The following SLIT2 variants were observed in gnomAD, a reference collection of about 807,000 sequenced individuals.
SLIT2 encodes the protein slit guidance ligand 2.
SLIT2 carries 41 observed loss-of-function variants against 185.7 expected under a neutral mutation model. The observed-to-expected ratio is 0.22, with a 90% confidence interval of 0.17 to 0.29. The LOEUF is 0.29. Ranked by LOEUF, SLIT2 falls within the 10% of genes least tolerant of loss-of-function variation. SLIT2 has a pLI of 1.00. For synonymous variants in SLIT2, 693 were observed against 680.2 expected, an observed-to-expected ratio of 1.02 and a Z score of -0.29; for missense variants, 1,571 against 1,909.0, an observed-to-expected ratio of 0.82 and a Z score of 3.30.
intron 4 of SLIT2, among the ~76,000 whole-genome samples, chr4:20,283,498 G>GA (rs902639096): frequency 7.9e-5 from 12 of 151,450 alleles, no homozygotes; most frequent in East Asian, 1.9e-4. Context: ...TTAGACACAG[G>GA]AAAAAAAACA....
chr4:20,365,688 G>C (rs755191196), intron 4 of SLIT2, among the ~76,000 whole-genome samples: 9 of 152,114 alleles, frequency 5.9e-5, no homozygotes, highest in Non-Finnish European at 1.2e-4. Context: ...ATGCGAGTGG[G>C]GACTGGGCCA....
chr4:20,554,572 CAATT>C (rs1274760751), intron 26 of SLIT2, among the ~76,000 whole-genome samples: 1 of 151,972 alleles, frequency 6.6e-6, no homozygotes, highest in Non-Finnish European at 1.5e-5. Context: ...TAATAAGAAA[CAATT>C]TATTTTCTGC....
At chr4:20,355,588 A>G (rs538764340) in intron 4 of SLIT2, among the ~76,000 whole-genome samples, 1 of 152,156 alleles carries the variant, frequency 6.6e-6, no homozygotes, top group African/African-American at 2.4e-5. Flanking sequence ...TTCCTAGCAA[A>G]TGCAGGTGGT....
chr4:20,309,404 CTCTTT>C (rs1176135099), intron 4 of SLIT2, among the ~76,000 whole-genome samples: 1 of 151,800 alleles, frequency 6.6e-6, no homozygotes, highest in African/African-American at 2.4e-5. Context: ...TTTATCCACT[CTCTTT>C]TCTTCTTTTA....
intron 21 of SLIT2, among the ~76,000 whole-genome samples, chr4:20,543,867 A>G (rs1336430274): frequency 6.6e-6 from 1 of 152,162 alleles, no homozygotes; most frequent in Non-Finnish European, 1.5e-5. Context: ...TTTTATATGT[A>G]TATGTGTGTA....
chr4:20,307,231 TTTCC>T (rs71181557), intron 4 of SLIT2, among the ~76,000 whole-genome samples: 2,220 of 57,720 alleles, frequency 0.038, 51 homozygotes, highest in Admixed American at 0.094. Flanking sequence ...CTCTATTTCT[TTTCC>T]TTCCTTCCTT....
intron 4 of SLIT2, among the ~76,000 whole-genome samples, chr4:20,334,369 T>C (rs989810861): frequency 6.6e-6 from 1 of 152,128 alleles, no homozygotes; most frequent in African/African-American, 2.4e-5. Context: ...TGCATCAAAC[T>C]AAGAAGATGA....
intron 26 of SLIT2, among the ~76,000 whole-genome samples, chr4:20,560,026 A>G (rs1377802301): frequency 6.6e-6 from 1 of 152,004 alleles, no homozygotes; most frequent in Non-Finnish European, 1.5e-5. Context: ...GTACTATACT[A>G]TTAAGCATAT....
chr4:20,499,118 A>C (rs1346048961), intron 9 of SLIT2, among the ~76,000 whole-genome samples: 2 of 152,128 alleles, frequency 1.3e-5, no homozygotes, highest in East Asian at 3.9e-4. Context: ...AACAATTGCT[A>C]TTATTTATCT....
At chr4:20,562,864 G>A (rs1490007630) in intron 26 of SLIT2, among the ~76,000 whole-genome samples, 1 of 151,728 alleles carries the variant, frequency 6.6e-6, no homozygotes, top group African/African-American at 2.4e-5. Flanking sequence ...GAAGGGCAGT[G>A]CTAGAGGATT....
chr4:20,387,938 G>T (rs1026838190), intron 4 of SLIT2, among the ~76,000 whole-genome samples: 3 of 151,954 alleles, frequency 2.0e-5, no homozygotes, highest in Non-Finnish European at 4.4e-5. Flanking sequence ...CCCAAAGCAA[G>T]CAATGTATAA....
At chr4:20,416,861 A>T (rs1466622993) in intron 4 of SLIT2, among the ~76,000 whole-genome samples, 3 of 152,236 alleles carry the variant, frequency 2.0e-5, no homozygotes, top group African/African-American at 7.2e-5. Flanking sequence ...CTGTTCAGTT[A>T]AACAAGTTAA....
chr4:20,463,438 C>T (rs1357088463), intron 4 of SLIT2, among the ~76,000 whole-genome samples: 47 of 112,950 alleles, frequency 4.2e-4, no homozygotes, highest in Non-Finnish European at 2.8e-4. Flanking sequence ...CTTCATTGAC[C>T]TCAAACTGTG....
intron 4 of SLIT2, among the ~76,000 whole-genome samples, chr4:20,374,027 CAATTTAA>C (rs1723807215): frequency 6.6e-6 from 1 of 152,084 alleles, no homozygotes; most frequent in Admixed American, 6.6e-5. Flanking sequence ...TAAACCAATA[CAATTTAA>C]ACTGCCTAAG....
chr4:20,570,737 A>ATATATATATG (rs1553842945), intron 29 of SLIT2, among the ~76,000 whole-genome samples: 1 of 77,288 alleles, frequency 1.3e-5, no homozygotes, highest in East Asian at 4.5e-3. Context: ...ATATGTATAT[A>ATATATATATG]TATATATATA....
intron 4 of SLIT2, among the ~76,000 whole-genome samples, chr4:20,404,105 T>C (rs1168333734): frequency 6.6e-6 from 1 of 151,990 alleles, no homozygotes; most frequent in East Asian, 1.9e-4. Context: ...GTTTCATTAG[T>C]GTGTGCATTC....
chr4:20,502,573 G>A (rs112541027), intron 9 of SLIT2, among the ~76,000 whole-genome samples: 8 of 152,312 alleles, frequency 5.3e-5, no homozygotes, highest in African/African-American at 1.7e-4. Flanking sequence ...CTGCCTTGGA[G>A]AATCAAATAA....
At chr4:20,502,044 C>A (rs879549735) in intron 9 of SLIT2, among the ~76,000 whole-genome samples, 1 of 152,132 alleles carries the variant, frequency 6.6e-6, no homozygotes, top group Non-Finnish European at 1.5e-5. Flanking sequence ...ACATGTTATA[C>A]ATACATATAC....
chr4:20,534,006 T>G (rs1722048125), intron 18 of SLIT2, among the ~76,000 whole-genome samples: 1 of 152,176 alleles, frequency 6.6e-6, no homozygotes, highest in Non-Finnish European at 1.5e-5. Context: ...GCCTTCGATG[T>G]GTTCATAGCA....
Sources: allele counts gnomAD v4.1 joint callset (sites outside exome capture counted in the v4.1 genomes callset), GRCh38; gene constraint gnomAD v4.1.1; transcripts MANE v1.5; gene names NCBI Gene and HGNC (gene_info 2026-07-23, HGNC 2026-07-21).